The following TMTC2 variants were observed in gnomAD, a reference collection of about 807,000 sequenced individuals.
TMTC2 encodes the protein transmembrane O-mannosyltransferase targeting cadherins 2, also known as protein O-mannosyl-transferase TMTC2.
Under a neutral mutation model 82.4 loss-of-function variants are expected in TMTC2, and 43 were observed. The observed-to-expected ratio is 0.52, with a 90% confidence interval of 0.41 to 0.67. The LOEUF (loss-of-function observed/expected upper bound fraction) is 0.67. Among genes scored for constraint, TMTC2 ranks in the 30% least tolerant of loss-of-function variants. The pLI is 0.00. For missense variants in TMTC2, 919 were observed against 1,012.4 expected (o/e 0.91, Z 1.25); for synonymous variants, 408 against 381.9 (o/e 1.07, Z -0.80).
At chr12:82,705,015 G>C (rs1280088738) in intron 1 of TMTC2, among the ~76,000 whole-genome samples, 3 of 152,162 alleles carry the variant, frequency 2.0e-5, no homozygotes, top group Non-Finnish European at 4.4e-5. Flanking sequence ...GCCATAAAAA[G>C]GAATGAATTA....
chr12:82,835,775 TA>T (rs1870003012), intron 1 of TMTC2, among the ~76,000 whole-genome samples: 1 of 152,190 alleles, frequency 6.6e-6, no homozygotes, highest in Non-Finnish European at 1.5e-5. Context: ...TTGCAGTTGG[TA>T]AATCGCTGTT....
intron 1 of TMTC2, among the ~76,000 whole-genome samples, chr12:82,762,155 G>A (rs1388756802): frequency 6.6e-6 from 1 of 151,842 alleles, no homozygotes; most frequent in Non-Finnish European, 1.5e-5. Flanking sequence ...TTTTAGTAGA[G>A]ATGGGGTTTC....
chr12:82,855,372 A>G (rs1164709878), intron 1 of TMTC2, among the ~76,000 whole-genome samples: 1 of 152,086 alleles, frequency 6.6e-6, no homozygotes, highest in Non-Finnish European at 1.5e-5. Context: ...TTTCGGTAAT[A>G]CTCATGTGGA....
At chr12:82,691,221 C>T (rs761409130) in intron 1 of TMTC2, among the ~76,000 whole-genome samples, 15 of 152,084 alleles carry the variant, frequency 9.9e-5, no homozygotes, top group Admixed American at 9.2e-4. Flanking sequence ...AATATATTTG[C>T]GACTCCTCTG....
rs147783836 is a variant in TMTC2, at chr12:82,710,642, G to T, written c.83+22973G>T. The stretch of plus-strand genomic sequence containing the variant: ...GTTTTATATTTTAAGTCTCCAGGGA[G>T]TAAGGCATTGAGAAAATGGGGTAAA... On this transcript the variant is annotated intron_variant, in intron 1 of 11. Coordinates refer to ENST00000321196, the MANE Select transcript of TMTC2 (RefSeq NM_152588.3). Among the ~76,000 whole-genome samples the T allele has an allele frequency of 3.7e-4, 56 of 152,344 alleles. 2 individuals are homozygous for T. In the East Asian group the frequency reaches 9.4e-3, roughly 26 times the overall value.
chr12:83,125,790 A>G (rs888219850), intron 11 of TMTC2, among the ~76,000 whole-genome samples: 11 of 152,182 alleles, frequency 7.2e-5, no homozygotes, highest in Non-Finnish European at 1.6e-4. Context: ...GCAACTTTCA[A>G]TTCAAGAAAA....
intron 2 of TMTC2, among the ~76,000 whole-genome samples, chr12:82,858,226 T>C (rs1386868975): frequency 6.6e-6 from 1 of 152,228 alleles, no homozygotes; most frequent in African/African-American, 2.4e-5. Flanking sequence ...CAGTACAAAG[T>C]TGTTTGAAGG....
intron 11 of TMTC2, among the ~76,000 whole-genome samples, chr12:83,099,314 A>G (rs553678250): frequency 1.2e-3 from 186 of 152,292 alleles, no homozygotes; most frequent in Non-Finnish European, 2.2e-3. Flanking sequence ...TACAAACTCA[A>G]TAGAAACAAC....
At position 82,937,783 on chromosome 12, in the gene TMTC2, TATATATATATATAC is replaced by T. The variant is rs1352278830; in HGVS notation, c.1598+7240_1598+7253del. Among the ~76,000 whole-genome samples the T allele has an allele frequency of 4.4e-3, 94 of 21,292 alleles. 1 individual carries two copies. The highest frequency in any genetic ancestry group is 0.014 in the African/African-American group (90 of 6,386). 14.0% of individuals were successfully genotyped at this position (21,292 alleles called of 152,430 possible). Reference sequence around the variant, plus strand: ...ATATATATATATATATATATATATATATATATATATATACACACATATATATATAAAATGATGCC... The same window carrying T: ...ATATATATATATATATATATATATATACACATATATATATAAAATGATGCC... On this transcript the variant is annotated intron_variant, in intron 4 of 11. Coordinates refer to ENST00000321196, the MANE Select transcript of TMTC2 (RefSeq NM_152588.3).
At chr12:82,743,134 TGAA>T (rs1051057442) in intron 1 of TMTC2, among the ~76,000 whole-genome samples, 15 of 152,112 alleles carry the variant, frequency 9.9e-5, no homozygotes, top group African/African-American at 3.6e-4. Context: ...CACACAATTA[TGAA>T]GATTTAAATG....
At chr12:82,929,816 G>A (rs1875929108) in intron 3 of TMTC2, among the ~76,000 whole-genome samples, 1 of 152,054 alleles carries the variant, frequency 6.6e-6, no homozygotes, top group African/African-American at 2.4e-5. Flanking sequence ...AGAACAAAGG[G>A]TACACAGAAA....
At chr12:83,094,347 T>C (rs1204817125) in intron 11 of TMTC2, among the ~76,000 whole-genome samples, 1 of 152,178 alleles carries the variant, frequency 6.6e-6, no homozygotes, top group Non-Finnish European at 1.5e-5. Flanking sequence ...AAGGAAGATG[T>C]AGACAATACT....
At chr12:82,810,211 T>A (rs1879429618) in intron 1 of TMTC2, among the ~76,000 whole-genome samples, 1 of 151,732 alleles carries the variant, frequency 6.6e-6, no homozygotes, top group African/African-American at 2.4e-5. Flanking sequence ...AAGTGGACTT[T>A]TTTTTTTTCT....
intron 1 of TMTC2, among the ~76,000 whole-genome samples, chr12:82,852,353 G>C (rs7301204): frequency 0.21 from 32,544 of 151,744 alleles, 8,073 homozygotes; most frequent in African/African-American, 0.61. Context: ...GTGATCCATC[G>C]TCCTCGGCCT....
At chr12:82,937,904 A>C (rs1004682234) in intron 4 of TMTC2, among the ~76,000 whole-genome samples, 2 of 91,098 alleles carry the variant, frequency 2.2e-5, no homozygotes, top group African/African-American at 7.0e-5. Context: ...CCATAGATTC[A>C]AACCTTTTTT....
chr12:83,014,730 C>CT (rs35994059), intron 8 of TMTC2, among the ~76,000 whole-genome samples: 293 of 151,296 alleles, frequency 1.9e-3, no homozygotes, highest in African/African-American at 6.1e-3. Flanking sequence ...AAGAAGAGAA[C>CT]TTTTTTTTTT....
chr12:83,038,193 C>T (rs1271176095), intron 9 of TMTC2, among the ~76,000 whole-genome samples: 2 of 150,798 alleles, frequency 1.3e-5, no homozygotes, highest in East Asian at 2.0e-4. Context: ...TGTTAAATGA[C>T]GAGTTAATGG....
rs1395164565 is a variant in TMTC2, at chr12:82,782,737, C to T, written c.84-74273C>T. Among the ~76,000 whole-genome samples, 3 of 152,084 alleles carry T rather than the reference C, an allele frequency of 2.0e-5. No homozygotes were observed. In the East Asian group the frequency reaches 5.8e-4, roughly 29 times the overall value. On this transcript the variant is annotated intron_variant, in intron 1 of 11. Coordinates refer to ENST00000321196, the MANE Select transcript of TMTC2 (RefSeq NM_152588.3). ...TCCTATGGACATTGATATTTTCTAC[C>T]TTTTCTAGACTAAGTACAATGTGGA... is the stretch of plus-strand genomic sequence containing the variant.
At position 82,850,368 on chromosome 12, in the gene TMTC2, A is replaced by G. The variant is rs1033080710; in HGVS notation, c.84-6642A>G. ...TAATAGAAGACCCTGGATTCCATTA[A>G]TCTTTCTTCCATTCAAATGTGGATG... On this transcript the variant is annotated intron_variant, in intron 1 of 11. Coordinates refer to ENST00000321196, the MANE Select transcript of TMTC2 (RefSeq NM_152588.3). 4.6e-5 allele frequency among the ~76,000 whole-genome samples: 7 copies of G among 152,284 alleles called. No individual in the cohort carries two copies. In the East Asian group the frequency reaches 1.2e-3, roughly 25 times the overall value.
Sources: allele counts gnomAD v4.1 joint callset (sites outside exome capture counted in the v4.1 genomes callset), GRCh38; gene constraint gnomAD v4.1.1; transcripts MANE v1.5; gene names NCBI Gene and HGNC (gene_info 2026-07-23, HGNC 2026-07-21).